Variants in KIAA1217 observed in about 807,000 individuals in gnomAD.
The protein encoded by KIAA1217 is sickle tail protein homolog.
Under a neutral mutation model 163.9 loss-of-function variants are expected in KIAA1217, and 88 were observed. The observed-to-expected ratio is 0.54, with a 90% confidence interval of 0.45 to 0.64. The LOEUF is 0.64. Ranked by LOEUF, KIAA1217 falls within the 30% of genes least tolerant of loss-of-function variation. The pLI, the probability that KIAA1217 is intolerant of heterozygous loss-of-function variation, is 0.00. For missense variants in KIAA1217, 2,372 were observed against 2,475.0 expected, an observed-to-expected ratio of 0.96 and a Z score of 0.88; for synonymous variants, 903 against 923.1, an observed-to-expected ratio of 0.98 and a Z score of 0.39.
At chr10:23,847,049 A>G (rs150948502) in intron 1 of KIAA1217, among the ~76,000 whole-genome samples, 63 of 152,214 alleles carry the variant, frequency 4.1e-4, no homozygotes, top group Admixed American at 1.2e-3. Context: ...ATTGATTTGC[A>G]TATGTTGAAC....
intron 2 of KIAA1217, among the ~76,000 whole-genome samples, chr10:24,258,364 A>G (rs2075375330): frequency 6.6e-6 from 1 of 152,158 alleles, no homozygotes; most frequent in Non-Finnish European, 1.5e-5. Context: ...CATATTTGAA[A>G]TCCTCACTGG....
chr10:24,246,718 G>A (rs963501671), intron 2 of KIAA1217, among the ~76,000 whole-genome samples: 8 of 152,166 alleles, frequency 5.3e-5, no homozygotes, highest in Admixed American at 3.9e-4. Flanking sequence ...CCGTGAACAT[G>A]TAACTATTTA....
At chr10:24,122,514 G>A (rs941439159) in intron 2 of KIAA1217, among the ~76,000 whole-genome samples, 1 of 152,110 alleles carries the variant, frequency 6.6e-6, no homozygotes, top group Non-Finnish European at 1.5e-5. Flanking sequence ...CAAATGTACT[G>A]CTACCAGGTG....
chr10:23,854,226 T>C (rs1174211837), intron 1 of KIAA1217, among the ~76,000 whole-genome samples: 1 of 152,176 alleles, frequency 6.6e-6, no homozygotes, highest in Non-Finnish European at 1.5e-5. Flanking sequence ...TTTGTTCTCG[T>C]TGGTTTCAAA....
chr10:24,294,869 A>G (rs924927532), intron 2 of KIAA1217, among the ~76,000 whole-genome samples: 27 of 152,350 alleles, frequency 1.8e-4, no homozygotes, highest in African/African-American at 6.3e-4. Flanking sequence ...CAAATCACAC[A>G]TACCCTGCCT....
chr10:24,519,854 G>A (rs913935758), intron 10 of KIAA1217, among the ~76,000 whole-genome samples: 3 of 151,960 alleles, frequency 2.0e-5, no homozygotes, highest in African/African-American at 7.3e-5. Context: ...AAAAGACTCG[G>A]TCCTCTGTTA....
intron 1 of KIAA1217, among the ~76,000 whole-genome samples, chr10:23,756,691 A>C (rs1833938367): frequency 6.6e-6 from 1 of 152,236 alleles, no homozygotes; most frequent in African/African-American, 2.4e-5. Context: ...CCTTTCAAAA[A>C]TAGCTATTTA....
At chr10:23,831,009 A>G (rs1377697969) in intron 1 of KIAA1217, among the ~76,000 whole-genome samples, 2 of 152,112 alleles carry the variant, frequency 1.3e-5, no homozygotes, top group Non-Finnish European at 2.9e-5. Context: ...AGGAGGCAGC[A>G]TCCTGCAGAG....
chr10:24,464,537 G>A (rs531102496), intron 5 of KIAA1217, among the ~76,000 whole-genome samples: 79 of 152,158 alleles, frequency 5.2e-4, no homozygotes, highest in African/African-American at 1.8e-3. Flanking sequence ...AGGCTGGAGC[G>A]CAATGGTGTG....
intron 1 of KIAA1217, among the ~76,000 whole-genome samples, chr10:23,862,505 C>A (rs1840002466): frequency 6.6e-6 from 1 of 152,118 alleles, no homozygotes; most frequent in South Asian, 2.1e-4. Flanking sequence ...TTATCTCTCT[C>A]TTTGGAGCCG....
At chr10:24,344,798 T>C (rs907452674) in intron 2 of KIAA1217, among the ~76,000 whole-genome samples, 8 of 152,338 alleles carry the variant, frequency 5.3e-5, no homozygotes, top group African/African-American at 1.9e-4. Context: ...TTTCTTTCTA[T>C]CTGTCTTCCA....
intron 9 of KIAA1217, among the ~76,000 whole-genome samples, chr10:24,502,775 G>A (rs1160770833): frequency 1.3e-5 from 2 of 152,150 alleles, no homozygotes; most frequent in Admixed American, 6.5e-5. Context: ...GGTGGATGAC[G>A]AGGTCAGGAC....
At chr10:23,736,386 C>G (rs1015376321) in intron 1 of KIAA1217, among the ~76,000 whole-genome samples, 2 of 152,180 alleles carry the variant, frequency 1.3e-5, no homozygotes, top group Admixed American at 1.3e-4. Context: ...TTCATGTGAT[C>G]TCCAGTGCCG....
chr10:24,005,101 T>C (rs1225786766), intron 1 of KIAA1217, among the ~76,000 whole-genome samples: 1 of 152,218 alleles, frequency 6.6e-6, no homozygotes, highest in African/African-American at 2.4e-5. Context: ...GGAGTTAGAC[T>C]GACTGGGATT....
chr10:24,472,881 G>T (rs142931135), intron 5 of KIAA1217, among the ~76,000 whole-genome samples: 1 of 152,074 alleles, frequency 6.6e-6, no homozygotes, highest in Non-Finnish European at 1.5e-5. Flanking sequence ...TCTAGCAGCT[G>T]CCCACATTCC....
intron 1 of KIAA1217, among the ~76,000 whole-genome samples, chr10:23,796,492 T>C (rs1836212026): frequency 1.3e-5 from 2 of 152,186 alleles, no homozygotes; most frequent in South Asian, 4.2e-4. Flanking sequence ...GCATTCCTAG[T>C]AGCTGGGATT....
chr10:24,472,963 CT>C (rs1222985743), intron 5 of KIAA1217, among the ~76,000 whole-genome samples: 1 of 152,198 alleles, frequency 6.6e-6, no homozygotes. Flanking sequence ...TAGATCTCCC[CT>C]GGAGCTGATT....
chr10:24,037,640 T>A (rs1307408431), intron 2 of KIAA1217, among the ~76,000 whole-genome samples: 2 of 152,196 alleles, frequency 1.3e-5, no homozygotes, highest in Non-Finnish European at 1.5e-5. Context: ...AGGAGACAGA[T>A]TGTCTATTCC....
rs79825516 is a variant in KIAA1217, at chr10:24,394,363, C to G, written c.553+13296C>G. Among the ~76,000 whole-genome samples, 1,587 of 152,282 alleles carry G rather than the reference C, an allele frequency of 0.01. 95 individuals carry two copies. In the East Asian group the frequency reaches 0.17, roughly 16 times the overall value. Reference sequence around the variant, plus strand: ...CAGACATCCCTGGCTAAACATCTCCCTATAATATAAAGCTAAACATGATAA... The same window carrying G: ...CAGACATCCCTGGCTAAACATCTCCGTATAATATAAAGCTAAACATGATAA... On this transcript the variant is annotated intron_variant, in intron 3 of 20. Coordinates refer to ENST00000376454, the MANE Select transcript of KIAA1217 (RefSeq NM_019590.5).
Sources: gnomAD v4.1 joint callset for allele counts (sites outside exome capture counted in the v4.1 genomes callset) on GRCh38, gnomAD v4.1.1 for gene constraint, MANE v1.5 for transcripts, NCBI Gene and HGNC (gene_info 2026-07-23, HGNC 2026-07-21) for gene names.